Variants in ADAMTS6 observed in about 807,000 individuals in gnomAD.
ADAMTS6 encodes the protein ADAM metallopeptidase with thrombospondin type 1 motif 6, also known as A disintegrin and metalloproteinase with thrombospondin motifs 6.
ADAMTS6 carries 23 observed loss-of-function variants against 144.3 expected under a neutral mutation model. The ratio of observed to expected loss-of-function variants is 0.16; its 90% confidence interval spans 0.11 to 0.23. The LOEUF is 0.23. Among genes scored for constraint, ADAMTS6 ranks in the 10% least tolerant of loss-of-function variants. The pLI, the probability that ADAMTS6 is intolerant of heterozygous loss-of-function variation, is 1.00. For synonymous variants in ADAMTS6, 444 were observed against 457.5 expected (o/e 0.97, Z 0.38); for missense variants, 999 against 1,379.6 (o/e 0.72, Z 4.37).
chr5:65,424,147 T>C (rs1309068846), intron 7 of ADAMTS6, among the ~76,000 whole-genome samples: 1 of 152,208 alleles, frequency 6.6e-6, no homozygotes, highest in Non-Finnish European at 1.5e-5. Context: ...AAGCATAGCT[T>C]ACTTTGATTT....
Position 65,387,845 on chromosome 5 carries a change from A to C in ADAMTS6, c.1074-53760T>G, listed in dbSNP as rs117304651. Reference sequence around the variant, plus strand: ...TGAATTGAAACAACAGTGAACTTAAATACCATAGCATTCTTATGCCTTAGA... The same window carrying C: ...TGAATTGAAACAACAGTGAACTTAACTACCATAGCATTCTTATGCCTTAGA... On this transcript the variant is annotated intron_variant, in intron 7 of 24. Coordinates refer to ENST00000381055, the MANE Select transcript of ADAMTS6 (RefSeq NM_197941.4). Among the ~76,000 whole-genome samples the C allele has an allele frequency of 7.2e-5, 11 of 152,360 alleles. No homozygotes were observed. In the East Asian group the frequency reaches 2.1e-3, roughly 29 times the overall value.
In ADAMTS6 at chr5:65,460,297, T is replaced by C; in HGVS notation, c.504A>G (p.Glu168=). The C allele has an allele frequency of 6.2e-7, 1 of 1,613,734 alleles. No homozygotes were observed. Among genetic ancestry groups the C allele is most frequent in the Non-Finnish European group, 8.5e-7 (1 of 1,179,794 alleles). ...AATCCTCTGTGGTATTCTTTAAAGG[T>C]TCGATAAAATACTCTTCATCTTCTG... is the stretch of plus-strand genomic sequence containing the variant. ...IATEDEEYFI[E]PLKNTTEDSK... Residue 168 remains glutamate, a synonymous_variant, in exon 4 of 25, where the codon GAA becomes GAG. Transcript: ENST00000381055.
At chr5:65,428,225 C>CA (rs759344039) in intron 7 of ADAMTS6, among the ~76,000 whole-genome samples, 15,479 of 56,934 alleles carry the variant, frequency 0.27, 1,948 homozygotes, top group African/African-American at 0.4. Flanking sequence ...GACTCCATCT[C>CA]AAAAAAAAAA....
Position 65,387,333 on chromosome 5 carries a change from T to C in ADAMTS6, c.1074-53248A>G, listed in dbSNP as rs1752559480. Among the ~76,000 whole-genome samples the C allele has an allele frequency of 2.0e-5, 3 of 152,220 alleles. No homozygotes were observed. The South Asian group carries it at 6.2e-4, about 32-fold the overall frequency. ...TGTACTTCATAGATTAATTATTCCT[T>C]TATTCTTCAATCATCAAACTATTGT... is the stretch of plus-strand genomic sequence containing the variant. On this transcript the variant is annotated intron_variant, in intron 7 of 24. Coordinates refer to ENST00000381055, the MANE Select transcript of ADAMTS6 (RefSeq NM_197941.4).
chr5:65,432,487 C>T (rs548141057), intron 7 of ADAMTS6, among the ~76,000 whole-genome samples: 1 of 152,066 alleles, frequency 6.6e-6, no homozygotes, highest in South Asian at 2.1e-4. Flanking sequence ...TTTTTTCCAC[C>T]CATTTTTCAC....
chr5:65,223,308 C>T (rs1757465324), intron 18 of ADAMTS6, among the ~76,000 whole-genome samples: 1 of 152,166 alleles, frequency 6.6e-6, no homozygotes, highest in Admixed American at 6.5e-5. Context: ...ATTTACATAT[C>T]CATAACTTCC....
chr5:65,229,584 G>T (rs1757981345), intron 15 of ADAMTS6, among the ~76,000 whole-genome samples: 1 of 152,108 alleles, frequency 6.6e-6, no homozygotes, highest in South Asian at 2.1e-4. Context: ...TGAACAAAGT[G>T]AGAAGTTCAA....
chr5:65,321,464 A>G (rs1017497889), intron 9 of ADAMTS6, among the ~76,000 whole-genome samples: 1 of 152,058 alleles, frequency 6.6e-6, no homozygotes, highest in Admixed American at 6.6e-5. Context: ...CATAGTCTGC[A>G]AAAATTTTCT....
At chr5:65,343,181 A>G (rs1036722503) in intron 7 of ADAMTS6, among the ~76,000 whole-genome samples, 3 of 152,110 alleles carry the variant, frequency 2.0e-5, no homozygotes, top group African/African-American at 7.2e-5. Flanking sequence ...CATTCTTCAC[A>G]GAAAACAAAA....
At chr5:65,406,328 C>T (rs981032392) in intron 7 of ADAMTS6, among the ~76,000 whole-genome samples, 4 of 152,040 alleles carry the variant, frequency 2.6e-5, no homozygotes, top group African/African-American at 9.6e-5. Context: ...TCCATCAATA[C>T]GTAATTTATT....
chr5:65,184,318 C>T (rs1579987537), intron 22 of ADAMTS6, among the ~76,000 whole-genome samples: 2 of 152,202 alleles, frequency 1.3e-5, no homozygotes. Context: ...ACTGAGTTCT[C>T]CCTGGAGAGA....
At chr5:65,281,819 G>A (rs575272417) in intron 11 of ADAMTS6, among the ~76,000 whole-genome samples, 1 of 151,994 alleles carries the variant, frequency 6.6e-6, no homozygotes, top group East Asian at 1.9e-4. Context: ...ACTAAAATAG[G>A]GCTTTTTTGA....
At chr5:65,373,255 A>G (rs1378629944) in intron 7 of ADAMTS6, among the ~76,000 whole-genome samples, 1 of 151,350 alleles carries the variant, frequency 6.6e-6, no homozygotes, top group Non-Finnish European at 1.5e-5. Context: ...AATAACTAAA[A>G]TCAGAGCAGA....
chr5:65,260,654 T>A lies in ADAMTS6; in HGVS notation c.1776A>T (p.Gly592=), dbSNP rs1761109930. Residue 592 remains glycine, a synonymous_variant, in exon 14 of 25, where the codon GGA becomes GGT. Transcript: ENST00000381055. ...TTTCCCCAAGGCAATATTTTCCACCTCCTGAAGGTCTGAAAAAACATTGTG... is the reference window on the plus strand; with the variant it reads ...TTTCCCCAAGGCAATATTTTCCACCACCTGAAGGTCTGAAAAAACATTGTG... ...LRHCDSPAPS[G]GGKYCLGERK... The A allele has an allele frequency of 6.2e-7, 1 of 1,613,204 alleles. No individual in the cohort carries two copies. The highest frequency in any genetic ancestry group is 1.1e-5 in the South Asian group (1 of 91,050).
chr5:65,320,586 C>G (rs184569021), intron 9 of ADAMTS6, among the ~76,000 whole-genome samples: 14 of 149,274 alleles, frequency 9.4e-5, no homozygotes, highest in African/African-American at 3.5e-4. Context: ...TTCAAGGGTA[C>G]AAGTGAAGGT....
chr5:65,177,185 C>T (rs2112112670), intron 22 of ADAMTS6, among the ~76,000 whole-genome samples: 1 of 152,312 alleles, frequency 6.6e-6, no homozygotes, highest in Admixed American at 6.5e-5. Flanking sequence ...GGACTCATCA[C>T]ACCCGAGTCA....
intron 18 of ADAMTS6, among the ~76,000 whole-genome samples, chr5:65,217,953 C>T (rs994564894): frequency 7.9e-5 from 12 of 152,062 alleles, no homozygotes; most frequent in African/African-American, 2.2e-4. Flanking sequence ...TGTGCAGAGA[C>T]CATGATCTCC....
intron 7 of ADAMTS6, among the ~76,000 whole-genome samples, chr5:65,442,023 A>T (rs1016345188): frequency 6.6e-6 from 1 of 151,852 alleles, no homozygotes; most frequent in African/African-American, 2.4e-5. Flanking sequence ...CGCCATAAGG[A>T]ACCACAAACA....
chr5:65,437,995 T>A (rs942646514), intron 7 of ADAMTS6, among the ~76,000 whole-genome samples: 4 of 152,130 alleles, frequency 2.6e-5, no homozygotes, highest in Middle Eastern at 3.4e-3. Context: ...TTTGATAGAG[T>A]GATGTTATTA....
Sources: gnomAD v4.1 joint callset for allele counts (sites outside exome capture counted in the v4.1 genomes callset) on GRCh38, gnomAD v4.1.1 for gene constraint, MANE v1.5 for transcripts, NCBI Gene and HGNC (gene_info 2026-07-23, HGNC 2026-07-21) for gene names.